Variants in PKHD1L1 observed in about 807,000 individuals in gnomAD.
PKHD1L1 encodes the protein PKHD1 like 1.
In PKHD1L1, 434 loss-of-function variants were observed where a neutral mutation model predicts 462.9. That is an observed-to-expected ratio of 0.94 (90% CI 0.87 to 1.02). PKHD1L1 has a LOEUF of 1.02. Ranked by LOEUF, PKHD1L1 falls within the 50% of genes least tolerant of loss-of-function variation. PKHD1L1 has a pLI of 0.00. For missense variants in PKHD1L1, 5,202 were observed against 5,096.1 expected (o/e 1.02, Z -0.63); for synonymous variants, 1,781 against 1,750.0 (o/e 1.02, Z -0.44).
intron 11 of PKHD1L1, 98 bp from the exon 12 acceptor site, chr8:109,398,361 C>A: frequency 1.3e-6 from 1 of 748,882 alleles, no homozygotes; most frequent in Non-Finnish European, 2.3e-6. Context: ...CTTGTTTATG[C>A]AACTTTGTTT....
At chr8:109,376,301 T>C (rs955157598) in intron 2 of PKHD1L1, among the ~76,000 whole-genome samples, 1 of 152,214 alleles carries the variant, frequency 6.6e-6, no homozygotes, top group African/African-American at 2.4e-5. Flanking sequence ...CTCCGAGCCA[T>C]GTGCAGGATA....
At position 109,420,579 on chromosome 8, in the gene PKHD1L1, G is replaced by A; in HGVS notation, c.2586G>A (p.Gln862=). 6.2e-7 allele frequency: 1 copy of A among 1,610,340 alleles called. No homozygotes were observed. The highest frequency in any genetic ancestry group is 8.5e-7 in the Non-Finnish European group (1 of 1,178,306). ...ANKGIFLEHF[Q]VNQTKTNGPT... is the part of the protein sequence containing the mutation. ...AAGGAATATTCTTAGAGCACTTTCA[G>A]GTGAATCAGACCAAAACAAATGGGC... is the stretch of plus-strand genomic sequence containing the variant. The change falls in exon 23 of 78, where the codon CAG becomes CAA. Residue 862 remains glutamine, a synonymous_variant. Transcript: ENST00000378402.
intron 54 of PKHD1L1, 136 bp downstream of exon 54, chr8:109,479,775 C>A: frequency 1.2e-6 from 1 of 815,618 alleles, no homozygotes; most frequent in African/African-American, 1.8e-5. Context: ...TTAATGCATC[C>A]CGGATACTAA....
chr8:109,389,312 A>G (rs1812595015), intron 8 of PKHD1L1, among the ~76,000 whole-genome samples, 160 bp downstream of exon 8: 1 of 151,908 alleles, frequency 6.6e-6, no homozygotes, highest in Admixed American at 6.6e-5. Context: ...TTTCACTTTC[A>G]TGCAAACATG....
At chr8:109,452,314 A>G (rs1165902896) in intron 42 of PKHD1L1, 34 bp downstream of exon 42, 8 of 1,471,198 alleles carry the variant, frequency 5.4e-6, no homozygotes, top group Non-Finnish European at 6.3e-6. Flanking sequence ...AATCACAGCA[A>G]TAGAAAACCA....
At chr8:109,398,765 T>C (rs1045696031) in intron 12 of PKHD1L1, among the ~76,000 whole-genome samples, 1 of 152,144 alleles carries the variant, frequency 6.6e-6, no homozygotes, top group Non-Finnish European at 1.5e-5. Context: ...CAGCCTAAAT[T>C]ATCAAGACAC....
At chr8:109,410,794 T>A (rs1204044449) in intron 19 of PKHD1L1, among the ~76,000 whole-genome samples, 2 of 142,404 alleles carry the variant, frequency 1.4e-5, no homozygotes, top group Non-Finnish European at 3.0e-5. Flanking sequence ...AGTGGCACGA[T>A]CTTGGCTCAC....
Position 109,429,333 on chromosome 8 carries a change from A to G in PKHD1L1, c.3001-7A>G. On this transcript the variant is annotated splice_polypyrimidine_tract_variant and splice_region_variant and intron_variant, in intron 25 of 77. Transcript: ENST00000378402. ...CTTTCTAGTAAAATAATTGTGTGTA[A>G]AAATAGATTAATGATTCCAACATTA... The G allele has an allele frequency of 6.7e-7, 1 of 1,492,516 alleles. No homozygotes were observed. Among genetic ancestry groups the G allele is most frequent in the East Asian group, 2.4e-5 (1 of 41,756 alleles). 92.5% of individuals were successfully genotyped at this position (1,492,516 alleles called of 1,614,324 possible).
rs1586676827 is a variant in PKHD1L1 at position 109,531,483 on chromosome 8, G to T, written c.*1393G>T. Among the ~76,000 whole-genome samples the T allele has an allele frequency of 6.6e-6, 1 of 152,082 alleles. No homozygotes were observed. The highest frequency in any genetic ancestry group is 2.1e-4 in the South Asian group (1 of 4,832). On this transcript the variant is annotated 3_prime_UTR_variant, in exon 78 of 78. Transcript: ENST00000378402. ...AGAGATAGAGACAGAGACAGAGAGG[G>T]AGGGGGAGAGAGAGATAGATAGAGA...
chr8:109,504,710 T>G lies in PKHD1L1; in HGVS notation c.10994+218T>G, dbSNP rs575550997. On this transcript the variant is annotated intron_variant, in intron 68 of 77. Coordinates refer to ENST00000378402, the MANE Select transcript of PKHD1L1 (RefSeq NM_177531.6). The stretch of plus-strand genomic sequence containing the variant: ...CTTTAATATATATGTTTTCTCCCAT[T>G]GCTTTTTTTGTGTGTGAATCATCAA... Among the ~76,000 whole-genome samples the G allele has an allele frequency of 1.9e-3, 291 of 152,334 alleles. 1 individual carries two copies. The highest frequency in any genetic ancestry group is 2.5e-3 in the Non-Finnish European group (169 of 68,026).
At chr8:109,452,920 T>C in intron 43 of PKHD1L1, 46 bp downstream of exon 43, 1 of 1,281,454 alleles carries the variant, frequency 7.8e-7, no homozygotes, top group Non-Finnish European at 1.0e-6. Flanking sequence ...TGATAAATAT[T>C]TCTGTGAAAC....
chr8:109,412,459 T>G (rs533234374), intron 20 of PKHD1L1, 45 bp downstream of exon 20: 13 of 1,506,942 alleles, frequency 8.6e-6, no homozygotes, highest in Non-Finnish European at 1.1e-5. Flanking sequence ...GGAAAATACC[T>G]TGGTAATAAA....
At chr8:109,452,647 C>G in intron 42 of PKHD1L1, 71 bp from the exon 43 acceptor site, 1 of 1,055,604 alleles carries the variant, frequency 9.5e-7, no homozygotes, top group Non-Finnish European at 1.2e-6. Context: ...TAATAAAATG[C>G]TTTTTGAAAA....
intron 14 of PKHD1L1, among the ~76,000 whole-genome samples, chr8:109,402,576 G>T (rs1033447226): frequency 6.6e-6 from 1 of 152,182 alleles, no homozygotes; most frequent in East Asian, 1.9e-4. Flanking sequence ...GTAAAGAGGG[G>T]AGTCCTAATG....
rs373099174 is a variant in PKHD1L1 at position 109,466,653 on chromosome 8, G to T, written c.8489G>T (p.Ser2830Ile). 5.0e-6 allele frequency: 8 copies of T among 1,610,570 alleles called. No homozygotes were observed. Among genetic ancestry groups the T allele is most frequent in the Non-Finnish European group, 6.8e-6 (8 of 1,178,410 alleles). Reference sequence around the variant, plus strand: ...CATTGTACTCAGGAAGCTGAGTGGAGCATTGGGTTCCCTGGATCAGTCTGT... The same window carrying T: ...CATTGTACTCAGGAAGCTGAGTGGATCATTGGGTTCCCTGGATCAGTCTGT... ...PSHCTQEAEWSIGFPGSVCDA... is the reference protein window; with the variant it reads ...PSHCTQEAEWIIGFPGSVCDA... The change falls in exon 50 of 78, where the codon AGC (serine) becomes ATC (isoleucine). Residue 2830 changes from serine to isoleucine, a missense_variant. Transcript: ENST00000378402.
At chr8:109,522,981 C>T in intron 75 of PKHD1L1, 91 bp downstream of exon 75, 1 of 1,324,750 alleles carries the variant, frequency 7.5e-7, no homozygotes, top group Non-Finnish European at 1.0e-6. Context: ...GGTGTGCTGG[C>T]AGCCTGAGGA....
At chr8:109,412,580 G>C (rs1038354943) in intron 20 of PKHD1L1, among the ~76,000 whole-genome samples, 166 bp downstream of exon 20, 1 of 151,782 alleles carries the variant, frequency 6.6e-6, no homozygotes, top group African/African-American at 2.4e-5. Context: ...CTCTTCTGAG[G>C]ATTCTCAAAA....
Position 109,445,878 on chromosome 8 carries a change from C to T in PKHD1L1, c.5776+233C>T, listed in dbSNP as rs552269549. Among the ~76,000 whole-genome samples, 4 of 152,172 alleles carry T rather than the reference C, an allele frequency of 2.6e-5. 1 individual carries two copies. The South Asian group carries it at 8.3e-4, about 32-fold the overall frequency. ...CAACTTCTATTTAGGAACAAAATTC[C>T]CATTAACCTGACCTAAATTTCAAAT... is the stretch of plus-strand genomic sequence containing the variant. On this transcript the variant is annotated intron_variant, in intron 38 of 77. Transcript: ENST00000378402.
In PKHD1L1 at chr8:109,433,107, G is replaced by T. The variant is rs963859930; in HGVS notation, c.3231G>T (p.Gly1077=). 6.3e-7 allele frequency: 1 copy of T among 1,599,246 alleles called. No homozygotes were observed. The highest frequency in any genetic ancestry group is 1.3e-5 in the African/African-American group (1 of 74,476). Residue 1077 remains glycine (G), a splice_region_variant and synonymous_variant, in exon 28 of 78, where the codon GGG becomes GGT. Coordinates refer to ENST00000378402, the MANE Select transcript of PKHD1L1 (RefSeq NM_177531.6). ...GTTATTTAAATTGATCATTTTTAGGGTCCTATGAAGAAGGCACAATTCTAA... is the reference window on the plus strand; with the variant it reads ...GTTATTTAAATTGATCATTTTTAGGTTCCTATGAAGAAGGCACAATTCTAA... ...PLVLAISPSQ[G]SYEEGTILTI...
Sources: allele counts gnomAD v4.1 joint callset (sites outside exome capture counted in the v4.1 genomes callset), GRCh38; gene constraint gnomAD v4.1.1; transcripts MANE v1.5; gene names NCBI Gene and HGNC (gene_info 2026-07-23, HGNC 2026-07-21).